The following GALNT14 variants were observed in gnomAD, a reference collection of about 807,000 sequenced individuals.
GALNT14 encodes the protein UDP-GalNAc:polypeptide N-acetylgalactosaminyltransferase 14.
A neutral mutation model predicts 77.5 loss-of-function variants in GALNT14; 60 were observed. That is an observed-to-expected ratio of 0.77 (90% CI 0.63 to 0.96). The LOEUF (loss-of-function observed/expected upper bound fraction) is 0.96. Ranked by LOEUF, GALNT14 falls within the 40% of genes least tolerant of loss-of-function variation. The probability of loss-of-function intolerance (pLI) is 0.00; values close to 1 mark genes in which losing one functional copy is unlikely to be tolerated. For missense variants in GALNT14, 710 were observed against 731.0 expected (o/e 0.97, Z 0.33); for synonymous variants, 280 against 281.7 (o/e 0.99, Z 0.06).
chr2:30,933,989 C>A (rs756790590), intron 9 of GALNT14, among the ~76,000 whole-genome samples: 7 of 152,210 alleles, frequency 4.6e-5, no homozygotes, highest in Non-Finnish European at 8.8e-5. Flanking sequence ...GGACATCACC[C>A]ACCTGTGCCC....
At chr2:30,989,630 A>AAAAATATATATATTAGTATATATT (rs1199015701) in intron 2 of GALNT14, among the ~76,000 whole-genome samples, 5 of 140,270 alleles carry the variant, frequency 3.6e-5, no homozygotes, top group African/African-American at 1.1e-4. Flanking sequence ...TAGTATATAT[A>AAAAATATATATATTAGTATATATT]AAAATATATA....
At chr2:30,886,935 A>T in the GALNT14 span, among the ~76,000 whole-genome samples, 1 of 152,226 alleles carries the variant, frequency 6.6e-6, no homozygotes, top group South Asian at 2.1e-4. Context: ...GGCAACTGCC[A>T]GTTTGCCTTC....
At chr2:30,899,199 C>G in the GALNT14 span, among the ~76,000 whole-genome samples, 2 of 152,212 alleles carry the variant, frequency 1.3e-5, no homozygotes, top group African/African-American at 2.4e-5. Flanking sequence ...GGCGGGAACC[C>G]ATTTTCCTTC....
chr2:31,051,523 C>T (rs562600012), intron 1 of GALNT14, among the ~76,000 whole-genome samples: 2 of 152,290 alleles, frequency 1.3e-5, no homozygotes, highest in East Asian at 1.9e-4. Flanking sequence ...AAGACTACAC[C>T]AACTCTTACC....
intron 3 of GALNT14, among the ~76,000 whole-genome samples, chr2:30,962,689 G>A (rs372276670): frequency 1.3e-5 from 2 of 152,176 alleles, no homozygotes; most frequent in African/African-American, 4.8e-5. Context: ...AGTTCCCCAC[G>A]TGAGCCTGTC....
intron 1 of GALNT14, among the ~76,000 whole-genome samples, chr2:31,013,695 C>T (rs1671176138): frequency 6.6e-6 from 1 of 151,682 alleles, no homozygotes; most frequent in African/African-American, 2.4e-5. Context: ...TAATTTGGAC[C>T]CCAGTCTGTC....
chr2:30,890,544 T>TTAG, the GALNT14 span, among the ~76,000 whole-genome samples: 3 of 152,194 alleles, frequency 2.0e-5, no homozygotes, highest in African/African-American at 7.2e-5. Flanking sequence ...TACACGATTA[T>TTAG]TAGTAGAAAT....
chr2:31,002,809 C>T (rs929249145), intron 1 of GALNT14, among the ~76,000 whole-genome samples: 1 of 152,166 alleles, frequency 6.6e-6, no homozygotes, highest in Non-Finnish European at 1.5e-5. Flanking sequence ...GAACAAGTTC[C>T]AGTGAGGAAG....
At chr2:31,020,685 T>C (rs575649445) in intron 1 of GALNT14, among the ~76,000 whole-genome samples, 2 of 152,272 alleles carry the variant, frequency 1.3e-5, no homozygotes, top group South Asian at 2.1e-4. Flanking sequence ...GCTGGTAGGA[T>C]CAACCCACCT....
At chr2:30,985,506 C>T (rs912330553) in intron 2 of GALNT14, among the ~76,000 whole-genome samples, 1 of 152,128 alleles carries the variant, frequency 6.6e-6, no homozygotes, top group East Asian at 1.9e-4. Context: ...GGGCAGGAGC[C>T]CCTGTGGCCG....
intron 1 of GALNT14, among the ~76,000 whole-genome samples, chr2:31,121,182 G>A (rs1305382165): frequency 6.6e-6 from 1 of 152,170 alleles, no homozygotes; most frequent in Non-Finnish European, 1.5e-5. Context: ...AGTGACTTTG[G>A]CCATGGCCCT....
chr2:31,046,707 A>G (rs972581290), intron 1 of GALNT14, among the ~76,000 whole-genome samples: 1 of 152,120 alleles, frequency 6.6e-6, no homozygotes, highest in African/African-American at 2.4e-5. Flanking sequence ...TGGCCTACAG[A>G]CCAAATTTGG....
At chr2:30,963,008 T>C (rs1178946874) in intron 3 of GALNT14, among the ~76,000 whole-genome samples, 1 of 152,166 alleles carries the variant, frequency 6.6e-6, no homozygotes, top group Non-Finnish European at 1.5e-5. Flanking sequence ...CCTGCCTGCT[T>C]TTGATATAAG....
chr2:31,138,097 G>A lies in GALNT14; in HGVS notation c.-11C>T. 6.2e-7 allele frequency: 1 copy of A among 1,613,556 alleles called. No individual in the cohort carries two copies. On this transcript the variant is annotated 5_prime_UTR_variant, in exon 1 of 15. Transcript: ENST00000349752. ...AGTCAGGCGCCGCATGGTCCCCTTT[G>A]CCGCTTCCTCTCCGCGGCGCTACGT...
At position 31,059,482 on chromosome 2, in the gene GALNT14, C is replaced by T. The variant is rs140651072; in HGVS notation, c.130-66475G>A. 2.3e-3 allele frequency among the ~76,000 whole-genome samples: 343 copies of T among 152,150 alleles called. 2 individuals are homozygous for T. Among genetic ancestry groups the T allele is most frequent in the African/African-American group, 7.5e-3 (312 of 41,496 alleles). ...AATCCTAACCCCCAAAGAGATGGTA[C>T]GAGGAGGTGGGGCCTTAGGTCATGG... On this transcript the variant is annotated intron_variant, in intron 1 of 14. Transcript: ENST00000349752.
At chr2:30,964,887 G>C (rs972673517) in intron 3 of GALNT14, among the ~76,000 whole-genome samples, 2 of 152,146 alleles carry the variant, frequency 1.3e-5, no homozygotes, top group East Asian at 3.9e-4. Flanking sequence ...ACAGCCATGC[G>C]GCGGCGGGAG....
chr2:30,944,768 C>T, intron 8 of GALNT14, 90 bp downstream of exon 8: 4 of 1,030,328 alleles, frequency 3.9e-6, no homozygotes, highest in Admixed American at 4.8e-5. Flanking sequence ...CTGCTTGATG[C>T]TTTGACATCT....
At chr2:31,132,608 T>C (rs1331247489) in intron 1 of GALNT14, 2 of 413,310 alleles carry the variant, frequency 4.8e-6, no homozygotes, top group East Asian at 1.5e-4. Context: ...AATGAGAAAA[T>C]TGACAGTGAA....
chr2:31,130,041 G>A (rs1283723778), intron 1 of GALNT14, among the ~76,000 whole-genome samples: 1 of 152,190 alleles, frequency 6.6e-6, no homozygotes, highest in Admixed American at 6.5e-5. Context: ...ACATGTGAGT[G>A]TGCCCTGCTC....
Sources: allele counts gnomAD v4.1 joint callset (sites outside exome capture counted in the v4.1 genomes callset), GRCh38; gene constraint gnomAD v4.1.1; transcripts MANE v1.5; gene names NCBI Gene and HGNC (gene_info 2026-07-23, HGNC 2026-07-21).